The following DOCK1 variants were observed in gnomAD, a reference collection of about 807,000 sequenced individuals.
DOCK1 encodes dedicator of cytokinesis 1.
In DOCK1, 138 loss-of-function variants were observed where a neutral mutation model predicts 262.7. That is an observed-to-expected ratio of 0.53 (90% CI 0.46 to 0.61). The LOEUF is 0.61. DOCK1 is among the 20% of genes least tolerant of loss of function. The probability of loss-of-function intolerance (pLI) is 0.00; values close to 1 mark genes in which losing one functional copy is unlikely to be tolerated. For synonymous variants in DOCK1, 866 were observed against 867.4 expected (o/e 1.00, Z 0.03); for missense variants, 1,908 against 2,370.7 (o/e 0.80, Z 4.05).
Position 127,240,275 on chromosome 10 carries a change from T to TTG in DOCK1, c.2848-7732_2848-7731insGT, listed in dbSNP as rs202122628. On this transcript the variant is annotated intron_variant, in intron 27 of 51. Coordinates refer to ENST00000623213, the MANE Select transcript of DOCK1 (RefSeq NM_001290223.2). ...TTCTGTTTTATATAGTTTTGGCTTT[T>TTG]TTTTTTTTTAACAAACATTCCTCAC... is the stretch of plus-strand genomic sequence containing the variant. Among the ~76,000 whole-genome samples the TTG allele has an allele frequency of 4.0e-5, 6 of 151,154 alleles. No individual in the cohort carries two copies. The East Asian group carries it at 1.2e-3, about 29-fold the overall frequency.
chr10:127,069,533 G>A (rs892937172), intron 23 of DOCK1, among the ~76,000 whole-genome samples: 8 of 152,140 alleles, frequency 5.3e-5, no homozygotes, highest in African/African-American at 1.9e-4. Context: ...GTGGAGGAGG[G>A]GGTGCACTGA....
chr10:127,079,237 T>A (rs2046756010), intron 23 of DOCK1, among the ~76,000 whole-genome samples: 1 of 152,206 alleles, frequency 6.6e-6, no homozygotes, highest in Admixed American at 6.5e-5. Context: ...CCGTCTGGAA[T>A]CTGAACCTCT....
chr10:127,113,228 T>C (rs2048974175), intron 25 of DOCK1, among the ~76,000 whole-genome samples: 1 of 152,202 alleles, frequency 6.6e-6, no homozygotes, highest in Non-Finnish European at 1.5e-5. Flanking sequence ...TGTGTTCAGA[T>C]TTCTAGAACT....
intron 46 of DOCK1, 33 bp from the exon 47 acceptor site, chr10:127,425,841 G>C: frequency 1.2e-6 from 2 of 1,613,456 alleles, no homozygotes; most frequent in Non-Finnish European, 1.7e-6. Context: ...CATTATCCAA[G>C]AAATAAGGAA....
intron 2 of DOCK1, among the ~76,000 whole-genome samples, chr10:126,971,299 C>T (rs571608506): frequency 1.3e-5 from 2 of 151,958 alleles, no homozygotes; most frequent in Admixed American, 1.3e-4. Flanking sequence ...ATGATCTGCC[C>T]ACCTCAGCCT....
intron 27 of DOCK1, among the ~76,000 whole-genome samples, chr10:127,183,800 CTG>C (rs1235116212): frequency 6.6e-6 from 1 of 152,162 alleles, no homozygotes; most frequent in African/African-American, 2.4e-5. Context: ...ATACTTGAAA[CTG>C]TATATTTTAT....
At chr10:127,420,219 G>A (rs1356823827) in intron 46 of DOCK1, among the ~76,000 whole-genome samples, 2 of 152,212 alleles carry the variant, frequency 1.3e-5, no homozygotes, top group South Asian at 2.1e-4. Context: ...TGTTTTCCCA[G>A]CTGAAGTTGT....
chr10:127,045,843 T>A (rs2044312675), intron 21 of DOCK1, among the ~76,000 whole-genome samples: 1 of 152,172 alleles, frequency 6.6e-6, no homozygotes, highest in Non-Finnish European at 1.5e-5. Context: ...GGCTCCTCAC[T>A]GGCAACTGAT....
intron 29 of DOCK1, among the ~76,000 whole-genome samples, chr10:127,330,481 C>T (rs2062928228): frequency 6.6e-6 from 1 of 151,648 alleles, no homozygotes; most frequent in Admixed American, 6.6e-5. Flanking sequence ...TGTACTGTTG[C>T]TGGGAATGTA....
At chr10:126,941,570 C>A (rs1408605548) in intron 1 of DOCK1, among the ~76,000 whole-genome samples, 2 of 152,162 alleles carry the variant, frequency 1.3e-5, no homozygotes, top group Non-Finnish European at 1.5e-5. Flanking sequence ...TCCTGGCTAA[C>A]ACGGTGAAAC....
intron 5 of DOCK1, 77 bp from the exon 6 acceptor site, chr10:126,990,378 A>C: frequency 7.0e-7 from 1 of 1,434,696 alleles, no homozygotes; most frequent in Non-Finnish European, 9.4e-7. Context: ...GCGTATTTGA[A>C]GAGATAGCCA....
intron 27 of DOCK1, among the ~76,000 whole-genome samples, chr10:127,218,798 A>G (rs946615232): frequency 5.3e-5 from 8 of 152,178 alleles, no homozygotes; most frequent in African/African-American, 1.9e-4. Context: ...AAGAACAAAA[A>G]TTTGTTTCTC....
chr10:127,374,347 T>G (rs1313190578), intron 35 of DOCK1, 133 bp downstream of exon 35: 1 of 1,197,376 alleles, frequency 8.4e-7, no homozygotes, highest in Admixed American at 3.1e-5. Context: ...TTCGCTTGTT[T>G]CCTCATCTGC....
intron 38 of DOCK1, among the ~76,000 whole-genome samples, chr10:127,393,982 A>T (rs2134224698): frequency 6.6e-6 from 1 of 152,058 alleles, no homozygotes; most frequent in Non-Finnish European, 1.5e-5. Context: ...ATCATGGCAG[A>T]CCAGTGTTCT....
chr10:126,985,091 C>T (rs939581045), intron 4 of DOCK1, among the ~76,000 whole-genome samples: 5 of 151,074 alleles, frequency 3.3e-5, no homozygotes, highest in Non-Finnish European at 5.9e-5. Flanking sequence ...AGCGATTCTC[C>T]TGTCTCAGCC....
At chr10:127,308,893 A>G (rs1203647250) in intron 29 of DOCK1, among the ~76,000 whole-genome samples, 1 of 152,168 alleles carries the variant, frequency 6.6e-6, no homozygotes, top group Non-Finnish European at 1.5e-5. Context: ...GTCGCAATAA[A>G]CATACGTGTG....
chr10:127,163,467 A>G (rs2053772892), intron 27 of DOCK1, among the ~76,000 whole-genome samples: 1 of 152,106 alleles, frequency 6.6e-6, no homozygotes, highest in Non-Finnish European at 1.5e-5. Context: ...TTCAGTGCCC[A>G]CCTCAGGGCC....
chr10:127,197,156 G>A (rs2057231659), intron 27 of DOCK1, among the ~76,000 whole-genome samples: 1 of 152,126 alleles, frequency 6.6e-6, no homozygotes, highest in Admixed American at 6.5e-5. Flanking sequence ...GAGGACTGAA[G>A]TGGGAGGGCC....
intron 44 of DOCK1, 39 bp downstream of exon 44, chr10:127,415,277 C>T (rs1376373870): frequency 6.3e-7 from 1 of 1,589,146 alleles, no homozygotes; most frequent in Non-Finnish European, 8.6e-7. Flanking sequence ...TGTCCGTTCC[C>T]TTCCTCAATA....
Sources: allele counts gnomAD v4.1 joint callset (sites outside exome capture counted in the v4.1 genomes callset), GRCh38; gene constraint gnomAD v4.1.1; transcripts MANE v1.5; gene names NCBI Gene and HGNC (gene_info 2026-07-23, HGNC 2026-07-21).